Variants in NTAQ1 observed in about 807,000 individuals in gnomAD.
NTAQ1 encodes protein N-terminal glutamine amidohydrolase.
A neutral mutation model predicts 28.2 loss-of-function variants in NTAQ1; 21 were observed. That is an observed-to-expected ratio of 0.74 (90% confidence interval 0.53 to 1.07). The LOEUF is 1.07. Among genes scored for constraint, NTAQ1 ranks in the 50% least tolerant of loss-of-function variants. The pLI is 0.00. For synonymous variants in NTAQ1, 105 were observed against 90.0 expected (o/e 1.17, Z -0.94); for missense variants, 264 against 256.6 (o/e 1.03, Z -0.20).
chr8:123,459,648 T>C (rs1815760108), intron 6 of NTAQ1, among the ~76,000 whole-genome samples: 1 of 152,024 alleles, frequency 6.6e-6, no homozygotes, highest in Non-Finnish European at 1.5e-5. Flanking sequence ...ACTCAGGAAA[T>C]CAAAGGTTTA....
intron 5 of NTAQ1, among the ~76,000 whole-genome samples, chr8:123,439,504 G>A (rs1207994945): frequency 8.6e-5 from 13 of 151,858 alleles, no homozygotes; most frequent in African/African-American, 2.2e-4. Flanking sequence ...CACCACACCC[G>A]GCTAATTTTT....
At chr8:123,463,001 T>C (rs1815873356) in intron 6 of NTAQ1, among the ~76,000 whole-genome samples, 1 of 152,228 alleles carries the variant, frequency 6.6e-6, no homozygotes, top group Non-Finnish European at 1.5e-5. Flanking sequence ...TCTGCTCTCT[T>C]GGTACACCAG....
intron 1 of NTAQ1, among the ~76,000 whole-genome samples, chr8:123,424,077 T>G (rs1405732177): frequency 7.1e-6 from 1 of 139,934 alleles, no homozygotes; most frequent in Non-Finnish European, 1.6e-5. Flanking sequence ...TATGCGTTTT[T>G]TTTTTTTTTT....
In NTAQ1 at chr8:123,416,936, AG is replaced by A; in HGVS notation, c.83+9del. 1 of 1,490,646 alleles carries A rather than the reference AG, an allele frequency of 6.7e-7. No individual in the cohort carries two copies. Among genetic ancestry groups the A allele is most frequent in the Non-Finnish European group, 8.9e-7 (1 of 1,118,832 alleles). 92.3% of individuals were successfully genotyped at this position (1,490,646 alleles called of 1,614,324 possible). A position where few individuals can be genotyped will look rare whatever the true frequency, so the allele number is the denominator to read the frequency against. The stretch of plus-strand genomic sequence containing the variant: ...GCGTCTACAGCAGCTGCTACTGGTG[AG>A]GGGGCGCGGGCGCAGCCTCTGGGTC... On this transcript the variant is annotated splice_donor_5th_base_variant and intron_variant, in intron 1 of 5. Coordinates refer to ENST00000287387, the MANE Select transcript of NTAQ1 (RefSeq NM_018024.3).
At chr8:123,474,821 A>T (rs187478433), downstream of NTAQ1, among the ~76,000 whole-genome samples, 1 of 152,220 alleles carries the variant, frequency 6.6e-6, no homozygotes, top group Non-Finnish European at 1.5e-5. Context: ...CAGGAGGAGG[A>T]GGTTGCAGTG....
At chr8:123,438,561 CAGG>C (rs768390547) in intron 5 of NTAQ1, among the ~76,000 whole-genome samples, 12 of 151,164 alleles carry the variant, frequency 7.9e-5, no homozygotes, top group African/African-American at 1.9e-4. Context: ...GAGACTGAGA[CAGG>C]AGAATTACTT....
At chr8:123,423,762 A>C (rs151216065) in intron 1 of NTAQ1, among the ~76,000 whole-genome samples, 2 of 152,330 alleles carry the variant, frequency 1.3e-5, no homozygotes, top group East Asian at 3.9e-4. Context: ...TTTTCTGTGT[A>C]ACATTTACAT....
At chr8:123,463,771 A>G (rs971987599) in intron 6 of NTAQ1, among the ~76,000 whole-genome samples, 2 of 152,156 alleles carry the variant, frequency 1.3e-5, no homozygotes. Context: ...TTGAACTGTG[A>G]TGCAATCCCT....
In NTAQ1 at chr8:123,469,497, C is replaced by G. The variant is rs1200640721; in HGVS notation, c.*2347C>G. On this transcript the variant is annotated 3_prime_UTR_variant, in exon 7 of 7. Coordinates refer to the NTAQ1 transcript ENST00000650311. The stretch of plus-strand genomic sequence containing the variant: ...TGTGAACTTACTCCTTTTTGTTTGT[C>G]TTCTCCCTTCTAATGTTAATTTTTT... Among the ~76,000 whole-genome samples, 4 of 152,136 alleles carry G rather than the reference C, an allele frequency of 2.6e-5. No homozygotes were observed. In the East Asian group the frequency reaches 7.7e-4, roughly 29 times the overall value.
chr8:123,464,331 G>T (rs543467674), intron 6 of NTAQ1, among the ~76,000 whole-genome samples: 1 of 152,276 alleles, frequency 6.6e-6, no homozygotes, highest in East Asian at 1.9e-4. Flanking sequence ...GAGAGACTTG[G>T]AATAGAAATG....
downstream of NTAQ1, among the ~76,000 whole-genome samples, chr8:123,445,885 C>T (rs1403771822): frequency 1.3e-5 from 2 of 151,974 alleles, no homozygotes; most frequent in Non-Finnish European, 2.9e-5. Flanking sequence ...GGATTACAGG[C>T]GTGAGCCACC....
At chr8:123,449,054 G>A (rs115598500), downstream of NTAQ1, among the ~76,000 whole-genome samples, 2,684 of 152,296 alleles carry the variant, frequency 0.018, 72 homozygotes, top group African/African-American at 0.06. Flanking sequence ...TCTCTTGAAA[G>A]CCCTGTCTCC....
At chr8:123,458,053 A>G (rs1298970099) in intron 6 of NTAQ1, among the ~76,000 whole-genome samples, 2 of 43,198 alleles carry the variant, frequency 4.6e-5, no homozygotes, top group Non-Finnish European at 1.1e-4. Flanking sequence ...AAAAAAAAAG[A>G]TTTAAAATAA....
intron 1 of NTAQ1, among the ~76,000 whole-genome samples, chr8:123,418,639 G>A (rs1347031317): frequency 2.0e-5 from 3 of 152,150 alleles, no homozygotes; most frequent in Admixed American, 6.5e-5. Context: ...AACTATTGGA[G>A]GATGGTTGTT....
chr8:123,428,554 T>C (rs1814209853), intron 2 of NTAQ1, among the ~76,000 whole-genome samples: 1 of 151,888 alleles, frequency 6.6e-6, no homozygotes, highest in Non-Finnish European at 1.5e-5. Flanking sequence ...AAAGTCCCTT[T>C]TCTTTAGGTA....
chr8:123,470,641 T>C (rs946382095), downstream of NTAQ1, among the ~76,000 whole-genome samples: 5 of 152,246 alleles, frequency 3.3e-5, no homozygotes, highest in Non-Finnish European at 5.9e-5. Context: ...GTGCTGTGCA[T>C]GAAGTCCCAT....
chr8:123,447,352 A>T (rs1339681994), intron 6 of NTAQ1, among the ~76,000 whole-genome samples: 47 of 138,810 alleles, frequency 3.4e-4, no homozygotes, highest in South Asian at 2.1e-3. Flanking sequence ...GTTCTTTTTT[A>T]AAAAATACAC....
At chr8:123,473,524 C>G (rs530794719), downstream of NTAQ1, among the ~76,000 whole-genome samples, 15 of 152,264 alleles carry the variant, frequency 9.9e-5, no homozygotes, top group Non-Finnish European at 1.8e-4. Context: ...GAACTCCTGA[C>G]CTCAACTGAT....
downstream of NTAQ1, among the ~76,000 whole-genome samples, chr8:123,473,674 T>TCAACATTC (rs1346372476): frequency 6.6e-6 from 1 of 152,228 alleles, no homozygotes; most frequent in Non-Finnish European, 1.5e-5. Context: ...GCACATATAT[T>TCAACATTC]CAACATTCCC....
Sources: gnomAD v4.1 joint callset for allele counts (sites outside exome capture counted in the v4.1 genomes callset) on GRCh38, gnomAD v4.1.1 for gene constraint, MANE v1.5 for transcripts, NCBI Gene and HGNC (gene_info 2026-07-23, HGNC 2026-07-21) for gene names.